The following DNAJC7 variants were observed in gnomAD, a reference collection of about 807,000 sequenced individuals.
The protein encoded by DNAJC7 is DnaJ heat shock protein family (Hsp40) member C7.
DNAJC7 carries 18 observed loss-of-function variants against 67.4 expected under a neutral mutation model. The observed-to-expected ratio is 0.27, with a 90% CI of 0.18 to 0.40. DNAJC7 has a LOEUF of 0.40. Ranked by LOEUF, DNAJC7 falls within the 10% of genes least tolerant of loss-of-function variation. DNAJC7 has a pLI of 1.00. For missense variants in DNAJC7, 419 were observed against 613.8 expected (o/e 0.68, Z 3.35); for synonymous variants, 220 against 207.8 (o/e 1.06, Z -0.50).
chr17:41,999,088 G>T (rs906175424), intron 2 of DNAJC7, among the ~76,000 whole-genome samples: 3 of 145,996 alleles, frequency 2.1e-5, no homozygotes, highest in South Asian at 2.2e-4. Flanking sequence ...TCATGAGTTT[G>T]TTTTTTTTTT....
rs2051681785 is a variant in DNAJC7 at position 41,997,107 on chromosome 17, A to G, written c.291+8T>C. 1 of 1,613,874 alleles carries G rather than the reference A, an allele frequency of 6.2e-7. No individual in the cohort carries two copies. Among genetic ancestry groups the G allele is most frequent in the Non-Finnish European group, 8.5e-7 (1 of 1,179,790 alleles). On this transcript the variant is annotated splice_region_variant and intron_variant, in intron 3 of 13. Coordinates refer to ENST00000457167, the MANE Select transcript of DNAJC7 (RefSeq NM_003315.4). Reference sequence around the variant, plus strand: ...AGCCTTCCCCAAACAGCCCCATTACATACATACCCGGACAAAACTGTCATC... The same window carrying G: ...AGCCTTCCCCAAACAGCCCCATTACGTACATACCCGGACAAAACTGTCATC...
intron 4 of DNAJC7, 77 bp downstream of exon 4, chr17:41,996,234 G>A: frequency 6.9e-7 from 1 of 1,450,808 alleles, no homozygotes; most frequent in Non-Finnish European, 9.6e-7. Flanking sequence ...CTAGACCTCA[G>A]TTCCGACTTT....
chr17:41,981,794 G>A, intron 12 of DNAJC7, 61 bp downstream of exon 12: 1 of 1,586,688 alleles, frequency 6.3e-7, no homozygotes, highest in Non-Finnish European at 8.6e-7. Flanking sequence ...GAGCATCTTT[G>A]GAAAAAATTC....
chr17:41,996,389 C>T lies in DNAJC7; in HGVS notation c.327G>A (p.Leu109=), dbSNP rs782298122. ...HLREGKCHLS[L]GNAMAACRSF... ...TGCGACATGCTGCCATGGCATTCCC[C>T]AGAGAGAGGTGGCACTTGCCCTCTC... is the stretch of plus-strand genomic sequence containing the variant. Residue 109 remains leucine (L), a synonymous_variant, in exon 4 of 14, where the codon CTG becomes CTA. Transcript: ENST00000457167. 1.2e-6 allele frequency: 2 copies of T among 1,614,002 alleles called. No individual in the cohort carries two copies. The highest frequency in any genetic ancestry group is 1.1e-5 in the South Asian group (1 of 91,076).
intron 12 of DNAJC7, 118 bp from the exon 13 acceptor site, chr17:41,977,441 C>T (rs1555645159): frequency 1.1e-6 from 1 of 907,262 alleles, no homozygotes; most frequent in African/African-American, 1.7e-5. Context: ...GTCTCACTCC[C>T]CTCCTTTCCC....
At chr17:41,980,959 C>T (rs2051234345) in intron 12 of DNAJC7, among the ~76,000 whole-genome samples, 1 of 152,136 alleles carries the variant, frequency 6.6e-6, no homozygotes, top group Non-Finnish European at 1.5e-5. Context: ...GGCCTTCCAC[C>T]ACCACCTGCC....
intron 1 of DNAJC7, among the ~76,000 whole-genome samples, chr17:42,003,710 A>C (rs971549587): frequency 6.6e-6 from 1 of 152,148 alleles, no homozygotes; most frequent in Non-Finnish European, 1.5e-5. Context: ...TGAGAAAAGA[A>C]GACTTAGGAT....
intron 5 of DNAJC7, among the ~76,000 whole-genome samples, chr17:41,993,489 C>A (rs1167099788): frequency 2.0e-5 from 3 of 151,828 alleles, no homozygotes; most frequent in African/African-American, 7.3e-5. Context: ...AAAAACAAAA[C>A]AAAAAAATTT....
intron 4 of DNAJC7, 53 bp from the exon 5 acceptor site, chr17:41,994,997 A>C (rs2051617759): frequency 1.3e-6 from 2 of 1,498,804 alleles, no homozygotes; most frequent in Non-Finnish European, 9.3e-7. Flanking sequence ...TAGATTAAAC[A>C]ACCACAAAAA....
intron 9 of DNAJC7, 22 bp downstream of exon 9, chr17:41,987,797 C>T (rs1192327265): frequency 1.3e-6 from 2 of 1,586,186 alleles, no homozygotes; most frequent in African/African-American, 2.7e-5. Context: ...CCCTCTTCCC[C>T]CTACCCATCA....
intron 3 of DNAJC7, 149 bp from the exon 4 acceptor site, chr17:41,996,573 G>A (rs549393642): frequency 2.4e-5 from 15 of 637,540 alleles, no homozygotes; most frequent in Non-Finnish European, 2.4e-5. Flanking sequence ...AAGCTGAGGC[G>A]GGCAGATCAC....
intron 1 of DNAJC7, among the ~76,000 whole-genome samples, chr17:42,004,337 AC>A (rs2051889458): frequency 6.6e-6 from 1 of 152,182 alleles, no homozygotes; most frequent in South Asian, 2.1e-4. Context: ...TAGTGAGGCA[AC>A]CAAGATGGCT....
intron 13 of DNAJC7, 51 bp downstream of exon 13, chr17:41,977,210 A>C: frequency 6.5e-7 from 1 of 1,538,370 alleles, no homozygotes; most frequent in African/African-American, 1.4e-5. Context: ...AGAGGCAATG[A>C]GTGTGTTGGC....
chr17:42,012,104 T>TCC (rs2052133851), intron 1 of DNAJC7, among the ~76,000 whole-genome samples: 1 of 152,248 alleles, frequency 6.6e-6, no homozygotes, highest in South Asian at 2.1e-4. Flanking sequence ...TCCTGACTCT[T>TCC]AAGTCTATGG....
At chr17:41,989,736 TA>T (rs1360849459) in intron 6 of DNAJC7, among the ~76,000 whole-genome samples, 179 bp from the exon 7 acceptor site, 4 of 152,258 alleles carry the variant, frequency 2.6e-5, no homozygotes, top group Admixed American at 2.6e-4. Context: ...TAATTATCTT[TA>T]ATACACATCT....
At chr17:41,990,943 G>A (rs546211250) in intron 5 of DNAJC7, among the ~76,000 whole-genome samples, 13 of 152,190 alleles carry the variant, frequency 8.5e-5, no homozygotes, top group Admixed American at 2.6e-4. Context: ...GATTACAGGC[G>A]TGAGCCACCA....
Position 41,982,377 on chromosome 17 carries a change from GC to G in DNAJC7, c.1108del (p.Ala370ArgfsTer5). The G allele has an allele frequency of 6.2e-7, 1 of 1,613,884 alleles. No homozygotes were observed. The highest frequency in any genetic ancestry group is 8.5e-7 in the Non-Finnish European group (1 of 1,179,864). ...TKEHKQLLKNAQLELKKSKRK... is the reference protein window; with the variant it reads ...TKEHKQLLKNXQLELKKSKRK... ...CTTACTCTTCTTCAGTTCCAGCTGC[GC>G]ATTTTTTAGGAGCTGTTTGTGTTCT... On this transcript the variant is annotated frameshift_variant, in exon 11 of 14. Transcript: ENST00000457167. LOFTEE classifies it high-confidence loss of function.
intron 12 of DNAJC7, among the ~76,000 whole-genome samples, chr17:41,978,473 A>G (rs1259208663): frequency 2.0e-5 from 3 of 152,052 alleles, no homozygotes; most frequent in South Asian, 2.1e-4. Flanking sequence ...TCTTCCTTCC[A>G]TCTCCATTCT....
intron 1 of DNAJC7, among the ~76,000 whole-genome samples, chr17:42,001,363 G>GA (rs553189309): frequency 6.3e-4 from 96 of 152,170 alleles, no homozygotes; most frequent in African/African-American, 1.7e-3. Context: ...TCTATTTTTT[G>GA]AAACTGTGCC....
Sources: allele counts gnomAD v4.1 joint callset (sites outside exome capture counted in the v4.1 genomes callset), GRCh38; gene constraint gnomAD v4.1.1; transcripts MANE v1.5; gene names NCBI Gene and HGNC (gene_info 2026-07-23, HGNC 2026-07-21).